The following GPD1L variants were observed in gnomAD, a reference collection of about 807,000 sequenced individuals.
GPD1L encodes glycerol-3-phosphate dehydrogenase 1-like protein.
Under a neutral mutation model 32.9 loss-of-function variants are expected in GPD1L, and 17 were observed. The observed-to-expected ratio is 0.52, with a 90% CI of 0.35 to 0.78. The LOEUF is 0.78. Among genes scored for constraint, GPD1L ranks in the 30% least tolerant of loss-of-function variants. GPD1L has a pLI of 0.01. For synonymous variants in GPD1L, 187 were observed against 165.9 expected, an observed-to-expected ratio of 1.13 and a Z score of -0.98; for missense variants, 361 against 447.8, an observed-to-expected ratio of 0.81 and a Z score of 1.75.
At chr3:32,141,456 G>A (rs1700742942) in intron 4 of GPD1L, among the ~76,000 whole-genome samples, 1 of 152,052 alleles carries the variant, frequency 6.6e-6, no homozygotes, top group Non-Finnish European at 1.5e-5. Context: ...TTTATTCGCT[G>A]AATATGTAAC....
intron 4 of GPD1L, among the ~76,000 whole-genome samples, chr3:32,141,180 G>T (rs188054983): frequency 8.5e-5 from 13 of 152,142 alleles, no homozygotes; most frequent in African/African-American, 3.1e-4. Flanking sequence ...GAGATGTCAG[G>T]CTCTCTTGCA....
Position 32,159,636 on chromosome 3 carries a change from A to G in GPD1L, c.921A>G (p.Glu307=). The G allele has an allele frequency of 6.2e-7, 1 of 1,612,708 alleles. No individual in the cohort carries two copies. Among genetic ancestry groups the G allele is most frequent in the East Asian group, 2.2e-5 (1 of 44,880 alleles). ...TCCAAGGACCGCAGACTTCTGCTGA[A>G]GTGTACCGCATCCTCAAACAGAAGG... ...QKLQGPQTSA[E]VYRILKQKGL... The change falls in exon 7 of 8, where the codon GAA becomes GAG. Residue 307 remains glutamate, a synonymous_variant. Transcript: ENST00000282541.
chr3:32,160,353 AGATG>A (rs59046244), intron 7 of GPD1L, among the ~76,000 whole-genome samples: 3 of 32,914 alleles, frequency 9.1e-5, no homozygotes, highest in Non-Finnish European at 4.7e-5. Context: ...GGATGGGATG[AGATG>A]GATGGATGGA....
chr3:32,150,662 T>C (rs1442596889), intron 5 of GPD1L, among the ~76,000 whole-genome samples: 1 of 152,168 alleles, frequency 6.6e-6, no homozygotes, highest in Non-Finnish European at 1.5e-5. Flanking sequence ...AATTTTTGTA[T>C]TTTTAGTAGA....
intron 1 of GPD1L, among the ~76,000 whole-genome samples, chr3:32,113,946 A>C (rs9816645): frequency 0.41 from 62,754 of 151,998 alleles, 14,705 homozygotes; most frequent in East Asian, 0.64. Context: ...CTCAACCTCC[A>C]AGGCTCAAGC....
intron 1 of GPD1L, among the ~76,000 whole-genome samples, chr3:32,127,045 T>C (rs1042393852): frequency 6.6e-6 from 1 of 152,188 alleles, no homozygotes; most frequent in African/African-American, 2.4e-5. Context: ...ATGTATTATA[T>C]TTGGGTTAGA....
intron 7 of GPD1L, among the ~76,000 whole-genome samples, chr3:32,164,646 G>A (rs1239857777): frequency 6.6e-6 from 1 of 152,138 alleles, no homozygotes; most frequent in African/African-American, 2.4e-5. Context: ...TTAGTAGGCT[G>A]TAGAGTCAGA....
intron 5 of GPD1L, among the ~76,000 whole-genome samples, chr3:32,147,465 G>A (rs1424222452): frequency 6.6e-6 from 1 of 152,054 alleles, no homozygotes; most frequent in Non-Finnish European, 1.5e-5. Flanking sequence ...CTGGGCTCCT[G>A]ACTTGTTGGC....
At chr3:32,158,845 C>T (rs758710275) in intron 5 of GPD1L, 31 bp from the exon 6 acceptor site, 58 of 1,608,074 alleles carry the variant, frequency 3.6e-5, no homozygotes, top group Middle Eastern at 1.6e-4. Context: ...GGTGCTGTAA[C>T]GGCATCTGGG....
At chr3:32,113,982 T>C (rs1223190154) in intron 1 of GPD1L, among the ~76,000 whole-genome samples, 1 of 152,050 alleles carries the variant, frequency 6.6e-6, no homozygotes, top group Non-Finnish European at 1.5e-5. Context: ...ACCTCCCGAG[T>C]AGCTGGGACT....
Position 32,168,059 on chromosome 3 carries a change from G to A in GPD1L, c.*2149G>A, listed in dbSNP as rs1323787094. ...GAGATGTGAGGAGTTGGAACTTTGCGTGTTTTGCGTATTTTCATCTGCATT... is the reference window on the plus strand; with the variant it reads ...GAGATGTGAGGAGTTGGAACTTTGCATGTTTTGCGTATTTTCATCTGCATT... On this transcript the variant is annotated 3_prime_UTR_variant, in exon 8 of 8. Transcript: ENST00000282541. 2.6e-5 allele frequency: 4 copies of A among 152,144 alleles called. No homozygotes were observed. The highest frequency in any genetic ancestry group is 6.5e-5 in the Admixed American group (1 of 15,274). 9.4% of individuals were successfully genotyped at this position (152,144 alleles called of 1,614,324 possible).
intron 7 of GPD1L, 88 bp downstream of exon 7, chr3:32,159,762 A>G (rs1466257028): frequency 1.1e-5 from 9 of 823,988 alleles, no homozygotes; most frequent in Admixed American, 1.9e-5. Context: ...GAGCTAGACT[A>G]TTTGACAAGT....
intron 7 of GPD1L, among the ~76,000 whole-genome samples, chr3:32,162,329 C>T (rs922475524): frequency 6.6e-6 from 1 of 152,126 alleles, no homozygotes; most frequent in East Asian, 1.9e-4. Flanking sequence ...CCTATGGTAC[C>T]GTCTTTTCTT....
chr3:32,120,960 A>C (rs1700403165), intron 1 of GPD1L, among the ~76,000 whole-genome samples: 2 of 152,076 alleles, frequency 1.3e-5, no homozygotes, highest in African/African-American at 4.8e-5. Flanking sequence ...GGCATTGCCA[A>C]GCTGGGGGTT....
rs188118544 is a variant in GPD1L, at chr3:32,115,130, C to T, written c.47+8372C>T. Among the ~76,000 whole-genome samples the T allele has an allele frequency of 2.6e-5, 4 of 152,264 alleles. No individual in the cohort carries two copies. The East Asian group carries it at 5.8e-4, about 22-fold the overall frequency. On this transcript the variant is annotated intron_variant, in intron 1 of 7. Coordinates refer to ENST00000282541, the MANE Select transcript of GPD1L (RefSeq NM_015141.4). ...CCTGCCCACAACCTGCTGATTGGTC[C>T]GTTTTACAGAGTGCTGATTGGTCCA...
intron 2 of GPD1L, among the ~76,000 whole-genome samples, chr3:32,129,996 C>T (rs547861338): frequency 1.3e-5 from 2 of 152,306 alleles, no homozygotes; most frequent in East Asian, 3.9e-4. Flanking sequence ...TCCACGTGCC[C>T]TCAGTGTGTG....
chr3:32,114,162 G>T (rs1040800701), intron 1 of GPD1L, among the ~76,000 whole-genome samples: 2 of 152,326 alleles, frequency 1.3e-5, no homozygotes, highest in Non-Finnish European at 2.9e-5. Flanking sequence ...GCCTGGCTGG[G>T]ACTCTTGGTC....
At position 32,166,192 on chromosome 3, in the gene GPD1L, A is replaced by G. The variant is rs570787753; in HGVS notation, c.*282A>G. The G allele has an allele frequency of 8.6e-6, 4 of 464,616 alleles. No individual in the cohort carries two copies. Among genetic ancestry groups the G allele is most frequent in the South Asian group, 6.5e-5 (3 of 46,126 alleles). The allele number at this position is 464,616 out of a possible 1,614,324, so 28.8% of individuals were successfully genotyped here. On this transcript the variant is annotated 3_prime_UTR_variant, in exon 8 of 8. Transcript: ENST00000282541. ...TGATGTCTTTTTTTCAAAATTGCTT[A>G]TGAAATTTCCACACAATCGTAGCTT...
intron 7 of GPD1L, among the ~76,000 whole-genome samples, chr3:32,162,192 C>T (rs1701082108): frequency 6.6e-6 from 1 of 152,132 alleles, no homozygotes; most frequent in African/African-American, 2.4e-5. Context: ...ACCATGGTCC[C>T]TACCAGCTTG....
Sources: gnomAD v4.1 joint callset for allele counts (sites outside exome capture counted in the v4.1 genomes callset) on GRCh38, gnomAD v4.1.1 for gene constraint, MANE v1.5 for transcripts, NCBI Gene and HGNC (gene_info 2026-07-23, HGNC 2026-07-21) for gene names.